ALPK3: variants seen among roughly 807,000 people sequenced by gnomAD.
ALPK3 encodes alpha-protein kinase 3.
A neutral mutation model predicts 140.0 loss-of-function variants in ALPK3; 102 were observed. That is an observed-to-expected ratio of 0.73 (90% CI 0.62 to 0.86). The LOEUF is 0.86. Ranked by LOEUF, ALPK3 falls within the 40% of genes least tolerant of loss-of-function variation. ALPK3 has a pLI of 0.00. For missense variants in ALPK3, 2,254 were observed against 2,208.2 expected (o/e 1.02, Z -0.42); for synonymous variants, 938 against 898.5 (o/e 1.04, Z -0.79).
chr15:84,846,746 T>G (rs1430964968), intron 5 of ALPK3, among the ~76,000 whole-genome samples: 2 of 152,102 alleles, frequency 1.3e-5, no homozygotes, highest in Non-Finnish European at 2.9e-5. Context: ...TCAATTTTAT[T>G]CATTTTTTAT....
At chr15:84,847,249 G>GAGAGAGAGAT (rs1467777064) in intron 5 of ALPK3, among the ~76,000 whole-genome samples, 1 of 117,994 alleles carries the variant, frequency 8.5e-6, no homozygotes, top group Non-Finnish European at 1.8e-5. Context: ...GAGAGAGAGA[G>GAGAGAGAGAT]GAATCAGAAA....
At chr15:84,837,647 A>G (rs115990571) in intron 3 of ALPK3, among the ~76,000 whole-genome samples, 52 of 152,370 alleles carry the variant, frequency 3.4e-4, no homozygotes, top group African/African-American at 1.2e-3. Flanking sequence ...CAGTCAGCTT[A>G]AGAAATGAAG....
intron 5 of ALPK3, among the ~76,000 whole-genome samples, chr15:84,846,062 C>T (rs939048210): frequency 3.3e-5 from 5 of 151,810 alleles, no homozygotes; most frequent in African/African-American, 4.8e-5. Flanking sequence ...AGTAAAGCTT[C>T]GTCTCAAAAA....
In ALPK3 at chr15:84,860,067, G is replaced by A. The variant is rs769918376; in HGVS notation, c.4124G>A (p.Gly1375Asp). ...VLSGFISREE[G>D]EVGEEIEMTP... ...TCAGGATTCATCTCCAGAGAAGAAG[G>A]TGAAGGTATGGTTCCCCCCTGGGGA... Residue 1375 changes from glycine (G) to aspartate (D), a missense_variant, in exon 9 of 14, where the codon GGT (glycine) becomes GAT (aspartate). Gly to Asp is a moderately conservative substitution (Grantham distance 94, BLOSUM62 -1). Coordinates refer to ENST00000258888, the MANE Select transcript of ALPK3 (RefSeq NM_020778.5). 1.9e-6 allele frequency: 3 copies of A among 1,614,146 alleles called. No homozygotes were observed. Among genetic ancestry groups the A allele is most frequent in the Non-Finnish European group, 2.5e-6 (3 of 1,180,008 alleles).
At chr15:84,828,740 C>A (rs565084745) in intron 3 of ALPK3, among the ~76,000 whole-genome samples, 2 of 152,316 alleles carry the variant, frequency 1.3e-5, no homozygotes, top group African/African-American at 4.8e-5. Flanking sequence ...ATTGTCATTG[C>A]ATTCTTACAA....
chr15:84,850,851 T>C (rs1240319681), intron 5 of ALPK3, among the ~76,000 whole-genome samples: 1 of 147,654 alleles, frequency 6.8e-6, no homozygotes, highest in Admixed American at 6.8e-5. Context: ...ATGACATTCC[T>C]TCTCATATCT....
In ALPK3 at chr15:84,840,459, G is replaced by A; in HGVS notation, c.1180G>A (p.Gly394Ser). The change falls in exon 5 of 14, where the codon GGC becomes AGC. Residue 394 changes from glycine to serine, a missense_variant. Gly to Ser is a moderately conservative substitution (Grantham distance 56). This residue lies in a region of ALPK3 where 2,088 missense variants were observed against 2,022.9 expected (regional missense o/e 1.03). Coordinates refer to ENST00000258888, the MANE Select transcript of ALPK3 (RefSeq NM_020778.5). ...DSTRKPASAV[G>S]TPDKAQKAPG... ...TACCAGGAAGCCAGCCTCTGCTGTG[G>A]GCACTCCAGACAAGGCCCAGAAGGC... The A allele has an allele frequency of 1.2e-6, 2 of 1,613,770 alleles. No homozygotes were observed. The highest frequency in any genetic ancestry group is 1.7e-6 in the Non-Finnish European group (2 of 1,179,892).
Position 84,839,809 on chromosome 15 carries a change from TC to T in ALPK3, c.532del (p.His178ThrfsTer8). 2 of 1,613,958 alleles carry T rather than the reference TC, an allele frequency of 1.2e-6. No individual in the cohort carries two copies. Reference protein sequence around the residue: ...LEVGTMTEYKIHQRWFAKLKR... With the variant: ...LEVGTMTEYKXHQRWFAKLKR... ...GTGGGCACCATGACTGAGTACAAGA[TC>T]CACCAGCGCTGGTTCGCCAAGTTGA... On this transcript the variant is annotated frameshift_variant, in exon 5 of 14. Coordinates refer to ENST00000258888, the MANE Select transcript of ALPK3 (RefSeq NM_020778.5). LOFTEE classifies it high-confidence loss of function.
Position 84,862,805 on chromosome 15 carries a change from C to T in ALPK3, c.4300C>T (p.Pro1434Ser). The change falls in exon 10 of 14, where the codon CCC (proline) becomes TCC (serine). Residue 1434 changes from proline (P) to serine (S), a missense_variant. By Grantham distance (74) the Pro-to-Ser change is moderately conservative. This residue lies in a region of ALPK3 where 2,088 missense variants were observed against 2,022.9 expected (regional missense o/e 1.03). Transcript: ENST00000258888. Reference sequence around the variant, plus strand: ...GGCCAAGGTCATCTACGGGCTGGAACCCATCTTCGAGTCGGGCCGCACGTG... The same window carrying T: ...GGCCAAGGTCATCTACGGGCTGGAATCCATCTTCGAGTCGGGCCGCACGTG... ...SQAKVIYGLE[P>S]IFESGRTCII... 6.2e-7 allele frequency: 1 copy of T among 1,614,146 alleles called. No individual in the cohort carries two copies. The highest frequency in any genetic ancestry group is 1.7e-5 in the Admixed American group (1 of 60,018).
intron 8 of ALPK3, 22 bp downstream of exon 8, chr15:84,859,925 G>A: frequency 3.1e-6 from 5 of 1,613,908 alleles, no homozygotes; most frequent in Non-Finnish European, 4.2e-6. Context: ...CCGCGGCCCG[G>A]GGTCTCAGCC....
chr15:84,821,510 T>C (rs1963422764), intron 1 of ALPK3, among the ~76,000 whole-genome samples: 1 of 152,192 alleles, frequency 6.6e-6, no homozygotes, highest in Admixed American at 6.5e-5. Flanking sequence ...AGTTGGCCAG[T>C]GCCTTGGAAC....
chr15:84,857,099 G>A lies in ALPK3; in HGVS notation c.2361G>A (p.Glu787=), dbSNP rs780330341. 6.2e-7 allele frequency: 1 copy of A among 1,614,080 alleles called. No homozygotes were observed. The highest frequency in any genetic ancestry group is 8.5e-7 in the Non-Finnish European group (1 of 1,180,034). Residue 787 remains glutamate, a synonymous_variant, in exon 6 of 14, where the codon GAG becomes GAA. Coordinates refer to ENST00000258888, the MANE Select transcript of ALPK3 (RefSeq NM_020778.5). The stretch of plus-strand genomic sequence containing the variant: ...TAGTAACAGCCTCCAGGAACCATGA[G>A]CAAACTGTGCTGGGTCCCCTGTCAG... ...EAVVTASRNH[E]QTVLGPLSGN... is the part of the protein sequence containing the mutation.
At position 84,864,508 on chromosome 15, in the gene ALPK3, C is replaced by T. The variant is rs1963982343; in HGVS notation, c.4566C>T (p.Asp1522=). The T allele has an allele frequency of 6.2e-7, 1 of 1,614,198 alleles. No homozygotes were observed. Among genetic ancestry groups the T allele is most frequent in the Non-Finnish European group, 8.5e-7 (1 of 1,180,044 alleles). The change falls in exon 12 of 14, where the codon GAC becomes GAT. Residue 1522 remains aspartate (D), a synonymous_variant. Coordinates refer to ENST00000258888, the MANE Select transcript of ALPK3 (RefSeq NM_020778.5). Reference sequence around the variant, plus strand: ...TCCCATATGCTACCCTGGAGGAAGACCTGGGCAAGCCCCTGGAGTCTTACT... The same window carrying T: ...TCCCATATGCTACCCTGGAGGAAGATCTGGGCAAGCCCCTGGAGTCTTACT... The part of the protein sequence containing the change: ...NNIPYATLEE[D]LGKPLESYCS...
chr15:84,865,250 A>G lies in ALPK3; in HGVS notation c.4723+585A>G, dbSNP rs140259771. Among the ~76,000 whole-genome samples the G allele has an allele frequency of 2.1e-4, 32 of 152,304 alleles. 1 individual carries two copies. The East Asian group carries it at 6.2e-3, about 29-fold the overall frequency. On this transcript the variant is annotated intron_variant, in intron 12 of 13. Transcript: ENST00000258888. ...TCTTCAACCAGCTCTCTGCAGGCCT[A>G]CTGTCATTAAGCAGAACTGGACAGA...
chr15:84,851,657 A>G (rs1963803793), intron 5 of ALPK3, among the ~76,000 whole-genome samples: 1 of 152,104 alleles, frequency 6.6e-6, no homozygotes, highest in South Asian at 2.1e-4. Context: ...TTCCACACAA[A>G]GGTTGCATAT....
chr15:84,858,227 C>A lies in ALPK3; in HGVS notation c.3489C>A (p.Ala1163=). ...AATPEELALG[A]RRKRFLPKVR... ...CACCTGAGGAACTGGCTCTAGGGGC[C>A]CGGAGGAAGAGATTTCTCCCTAAGG... is the stretch of plus-strand genomic sequence containing the variant. Residue 1163 remains alanine, a synonymous_variant, in exon 6 of 14, where the codon GCC becomes GCA. Coordinates refer to ENST00000258888, the MANE Select transcript of ALPK3 (RefSeq NM_020778.5). 2 of 1,611,044 alleles carry A rather than the reference C, an allele frequency of 1.2e-6. No homozygotes were observed. The highest frequency in any genetic ancestry group is 2.2e-5 in the East Asian group (1 of 44,716).
chr15:84,821,987 G>C (rs1217137021), intron 1 of ALPK3, among the ~76,000 whole-genome samples: 2 of 152,150 alleles, frequency 1.3e-5, no homozygotes, highest in Admixed American at 1.3e-4. Flanking sequence ...GAAGTAGAGG[G>C]AATCTGGTTG....
At chr15:84,819,613 G>A (rs1284145947) in intron 1 of ALPK3, among the ~76,000 whole-genome samples, 1 of 152,196 alleles carries the variant, frequency 6.6e-6, no homozygotes, top group Non-Finnish European at 1.5e-5. Context: ...CTGTGGGGGT[G>A]GGGAGAGCTC....
chr15:84,819,473 G>C lies in ALPK3; in HGVS notation c.143+1878G>C, dbSNP rs567132332. Among the ~76,000 whole-genome samples the C allele has an allele frequency of 2.6e-5, 4 of 152,356 alleles. No homozygotes were observed. The South Asian group carries it at 8.3e-4, about 32-fold the overall frequency. The stretch of plus-strand genomic sequence containing the variant: ...ATCTGGAAAAGCCTTTGGCCAAAGT[G>C]GGGAGAATGTGACTGGGGCTGCAGT... On this transcript the variant is annotated intron_variant, in intron 1 of 13. Transcript: ENST00000258888.
Sources: gnomAD v4.1 joint callset for allele counts (sites outside exome capture counted in the v4.1 genomes callset) on GRCh38, gnomAD v4.1.1 for gene constraint, gnomAD v4.1.1 regional missense constraint, MANE v1.5 for transcripts, NCBI Gene and HGNC (gene_info 2026-07-23, HGNC 2026-07-21) for gene names.